IGF1R: variants seen among roughly 807,000 people sequenced by gnomAD.
IGF1R encodes the protein insulin like growth factor 1 receptor, also known as insulin-like growth factor 1 receptor.
A neutral mutation model predicts 144.6 loss-of-function variants in IGF1R; 44 were observed. That is an observed-to-expected ratio of 0.30 (90% CI 0.24 to 0.39). The LOEUF is 0.39. Ranked by LOEUF, IGF1R falls within the 10% of genes least tolerant of loss-of-function variation. The probability of loss-of-function intolerance (pLI) is 1.00; values close to 1 mark genes in which losing one functional copy is unlikely to be tolerated. For synonymous variants in IGF1R, 795 were observed against 722.8 expected, an observed-to-expected ratio of 1.10 and a Z score of -1.60; for missense variants, 1,355 against 1,833.7, an observed-to-expected ratio of 0.74 and a Z score of 4.77.
At chr15:98,656,873 C>T (rs1270562553) in intron 1 of IGF1R, among the ~76,000 whole-genome samples, 2 of 152,190 alleles carry the variant, frequency 1.3e-5, no homozygotes, top group Non-Finnish European at 2.9e-5. Context: ...TTTTGTTCAA[C>T]CATTTTCTTT....
intron 1 of IGF1R, among the ~76,000 whole-genome samples, chr15:98,703,335 T>C (rs2053781829): frequency 6.6e-6 from 1 of 152,238 alleles, no homozygotes; most frequent in Non-Finnish European, 1.5e-5. Context: ...TACTGTTTAC[T>C]CCCTCGGTGC....
chr15:98,785,929 G>T (rs958851708), intron 2 of IGF1R, among the ~76,000 whole-genome samples: 1 of 152,130 alleles, frequency 6.6e-6, no homozygotes, highest in Non-Finnish European at 1.5e-5. Context: ...ATGTGGGCTC[G>T]GTCTGCTGAA....
intron 2 of IGF1R, among the ~76,000 whole-genome samples, chr15:98,815,175 G>T (rs1430020868): frequency 6.6e-6 from 1 of 152,204 alleles, no homozygotes; most frequent in African/African-American, 2.4e-5. Context: ...AAGTTTAAAA[G>T]AAATCACCAG....
intron 1 of IGF1R, among the ~76,000 whole-genome samples, chr15:98,697,890 A>G (rs980607485): frequency 2.0e-5 from 3 of 150,530 alleles, no homozygotes; most frequent in Non-Finnish European, 4.4e-5. Context: ...CGCGCCCGCC[A>G]CCATGCCTGG....
chr15:98,736,999 A>G (rs1323107107), intron 2 of IGF1R, among the ~76,000 whole-genome samples: 1 of 152,176 alleles, frequency 6.6e-6, no homozygotes, highest in Non-Finnish European at 1.5e-5. Context: ...GTGAATTGCC[A>G]AGACTCGTAG....
chr15:98,733,499 T>C (rs1450441902), intron 2 of IGF1R, among the ~76,000 whole-genome samples: 1 of 151,304 alleles, frequency 6.6e-6, no homozygotes, highest in African/African-American at 2.4e-5. Context: ...TTTTTTTTTT[T>C]TCCCCCTTCC....
rs574711603 is a variant in IGF1R, at chr15:98,734,680, G to T, written c.640+26573G>T. 7 of 152,312 alleles carry T rather than the reference G, an allele frequency of 4.6e-5. No individual in the cohort carries two copies. The East Asian group carries it at 1.3e-3, about 29-fold the overall frequency. The allele number at this position is 152,312 out of a possible 1,614,324, so 9.4% of individuals were successfully genotyped here. On this transcript the variant is annotated intron_variant, in intron 2 of 20. Coordinates refer to ENST00000650285, the MANE Select transcript of IGF1R (RefSeq NM_000875.5). The stretch of plus-strand genomic sequence containing the variant: ...ATTCTGAACATTAACTGCCCTTTGT[G>T]TTTTAATGTTGCCAGGAGGCCGATT...
chr15:98,724,116 A>G (rs2054307028), intron 2 of IGF1R, among the ~76,000 whole-genome samples: 1 of 152,218 alleles, frequency 6.6e-6, no homozygotes, highest in Admixed American at 6.5e-5. Flanking sequence ...AGGTTATTGT[A>G]AATGAGGAGA....
In IGF1R at chr15:98,896,818, A is replaced by G. The variant is rs2151652408; in HGVS notation, c.1015A>G (p.Lys339Glu). ...GGTCTGTGAGGAAGAAAAGAAAACA[A>G]AGACCATTGATTCTGTTACTTCTGC... Reference protein sequence around the residue: ...PKVCEEEKKTKTIDSVTSAQM... With the variant: ...PKVCEEEKKTETIDSVTSAQM... Residue 339 changes from lysine (K) to glutamate (E), a missense_variant, in exon 4 of 21, where the codon AAG (lysine) becomes GAG (glutamate). Physicochemically the swap from Lys to Glu is moderately conservative, Grantham distance 56. Transcript: ENST00000650285. The G allele has an allele frequency of 6.2e-7, 1 of 1,614,070 alleles. No individual in the cohort carries two copies. Among genetic ancestry groups the G allele is most frequent in the Non-Finnish European group, 8.5e-7 (1 of 1,179,956 alleles).
chr15:98,672,914 G>C (rs991522982), intron 1 of IGF1R, among the ~76,000 whole-genome samples: 1 of 152,202 alleles, frequency 6.6e-6, no homozygotes, highest in African/African-American at 2.4e-5. Context: ...CTAATGTCCA[G>C]CTTCCTCTGT....
intron 2 of IGF1R, among the ~76,000 whole-genome samples, chr15:98,759,710 A>C (rs1317005864): frequency 6.6e-6 from 1 of 152,134 alleles, no homozygotes; most frequent in Non-Finnish European, 1.5e-5. Context: ...AGAGTTGAAT[A>C]TTTTCAAGGC....
chr15:98,810,856 A>G (rs1391612491), intron 2 of IGF1R, among the ~76,000 whole-genome samples: 1 of 151,302 alleles, frequency 6.6e-6, no homozygotes, highest in African/African-American at 2.4e-5. Context: ...CCTCTAAATG[A>G]TTTTCTTAAG....
intron 13 of IGF1R, among the ~76,000 whole-genome samples, chr15:98,929,266 G>A (rs552149205): frequency 5.9e-5 from 9 of 152,180 alleles, no homozygotes; most frequent in South Asian, 2.1e-4. Context: ...ATTAAACTGC[G>A]TACAAAGATT....
chr15:98,964,184 A>G lies in IGF1R; in HGVS notation c.*6742A>G, dbSNP rs1263597563. ...GGAATGGATGCACCGCAAATAATGC[A>G]TTTTCTGAGTTTTCTTGTTAAAAAA... On this transcript the variant is annotated 3_prime_UTR_variant, in exon 21 of 21. Transcript: ENST00000650285. The G allele has an allele frequency of 2.1e-5, 5 of 232,760 alleles. No individual in the cohort carries two copies. Among genetic ancestry groups the G allele is most frequent in the Non-Finnish European group, 2.5e-5 (3 of 117,668 alleles). The allele number at this position is 232,760 out of a possible 1,614,324, so 14.4% of individuals were successfully genotyped here.
intron 2 of IGF1R, among the ~76,000 whole-genome samples, chr15:98,876,851 T>G (rs1410281543): frequency 1.3e-5 from 2 of 152,266 alleles, no homozygotes; most frequent in Admixed American, 1.3e-4. Context: ...CTCTCCATCC[T>G]GGATAAGAGT....
chr15:98,736,475 A>G (rs1289808010), intron 2 of IGF1R, among the ~76,000 whole-genome samples: 1 of 152,136 alleles, frequency 6.6e-6, no homozygotes, highest in East Asian at 1.9e-4. Context: ...TCAGCATTAG[A>G]TGCTGTCTGT....
At chr15:98,860,350 A>G (rs1426592543) in intron 2 of IGF1R, among the ~76,000 whole-genome samples, 1 of 152,222 alleles carries the variant, frequency 6.6e-6, no homozygotes, top group East Asian at 1.9e-4. Context: ...TCAGCTTCTT[A>G]GTAGATTTTG....
chr15:98,907,932 A>G (rs2014812683), intron 5 of IGF1R, among the ~76,000 whole-genome samples: 1 of 152,224 alleles, frequency 6.6e-6, no homozygotes, highest in Non-Finnish European at 1.5e-5. Context: ...GGGATTTGTG[A>G]TAAATGCAGA....
At chr15:98,865,933 C>T (rs1270480782) in intron 2 of IGF1R, among the ~76,000 whole-genome samples, 1 of 152,120 alleles carries the variant, frequency 6.6e-6, no homozygotes, top group East Asian at 1.9e-4. Context: ...AAAGGGGGCT[C>T]CCACCTCCCG....
Sources: allele counts gnomAD v4.1 joint callset (sites outside exome capture counted in the v4.1 genomes callset), GRCh38; gene constraint gnomAD v4.1.1; transcripts MANE v1.5; gene names NCBI Gene and HGNC (gene_info 2026-07-23, HGNC 2026-07-21).